FBXL7: variants seen among roughly 807,000 people sequenced by gnomAD.
The protein encoded by FBXL7 is F-box and leucine rich repeat protein 7, also known as F-box/LRR-repeat protein 7.
A neutral mutation model predicts 38.3 loss-of-function variants in FBXL7; 12 were observed. The observed-to-expected ratio is 0.31, with a 90% CI of 0.20 to 0.51. The LOEUF is 0.51. Ranked by LOEUF, FBXL7 falls within the 20% of genes least tolerant of loss-of-function variation. FBXL7 has a pLI of 0.98. For synonymous variants in FBXL7, 297 were observed against 300.9 expected, an observed-to-expected ratio of 0.99 and a Z score of 0.13; for missense variants, 567 against 676.4, an observed-to-expected ratio of 0.84 and a Z score of 1.79.
intron 2 of FBXL7, among the ~76,000 whole-genome samples, chr5:15,919,826 T>C (rs1741692628): frequency 6.6e-6 from 1 of 152,238 alleles, no homozygotes; most frequent in Non-Finnish European, 1.5e-5. Context: ...TGCTGGGTTT[T>C]GCATGATTTG....
intron 1 of FBXL7, among the ~76,000 whole-genome samples, chr5:15,605,897 C>G (rs1378755761): frequency 6.6e-6 from 1 of 152,146 alleles, no homozygotes; most frequent in Non-Finnish European, 1.5e-5. Flanking sequence ...AGTAGAATGA[C>G]AGCATCTTAG....
At chr5:15,510,099 T>A (rs1228257845) in intron 1 of FBXL7, among the ~76,000 whole-genome samples, 1 of 152,234 alleles carries the variant, frequency 6.6e-6, no homozygotes, top group East Asian at 1.9e-4. Context: ...TATCAGTTCC[T>A]CTTTAAATTC....
chr5:15,803,604 A>C (rs1440296911), intron 2 of FBXL7, among the ~76,000 whole-genome samples: 1 of 134,570 alleles, frequency 7.4e-6, no homozygotes, highest in Admixed American at 8.6e-5. Flanking sequence ...TTCTCTCTGC[A>C]TTCCTTCTAA....
chr5:15,840,751 G>T (rs1283805013), intron 2 of FBXL7, among the ~76,000 whole-genome samples: 1 of 151,302 alleles, frequency 6.6e-6, no homozygotes, highest in African/African-American at 2.4e-5. Context: ...GGAGGCTGAG[G>T]CAGGAGAATC....
At chr5:15,837,437 A>C (rs963207955) in intron 2 of FBXL7, among the ~76,000 whole-genome samples, 5 of 152,312 alleles carry the variant, frequency 3.3e-5, no homozygotes, top group African/African-American at 1.2e-4. Context: ...AAAAAAAGCA[A>C]CCATAAATAT....
intron 2 of FBXL7, among the ~76,000 whole-genome samples, chr5:15,678,615 A>G (rs867974021): frequency 1.3e-5 from 2 of 152,264 alleles, no homozygotes; most frequent in African/African-American, 4.8e-5. Context: ...TATAATTCCC[A>G]CATGTTGTAG....
intron 2 of FBXL7, among the ~76,000 whole-genome samples, chr5:15,740,943 A>G (rs1253126510): frequency 6.6e-6 from 1 of 152,198 alleles, no homozygotes; most frequent in Admixed American, 6.5e-5. Context: ...ATATGACATA[A>G]AGAATGTAGT....
At chr5:15,883,361 C>T (rs1224557235) in intron 2 of FBXL7, among the ~76,000 whole-genome samples, 1 of 151,684 alleles carries the variant, frequency 6.6e-6, no homozygotes, top group African/African-American at 2.4e-5. Flanking sequence ...CCATTTTGCC[C>T]CATTCTTATT....
chr5:15,928,607 G>A lies in FBXL7; in HGVS notation c.739+106G>A. ...GGTCCTCTTCTTGCAAGCCATCAGA[G>A]ATGGGGGCGGGTGGTAGGGAGGCTG... On this transcript the variant is annotated intron_variant, in intron 3 of 3. Coordinates refer to ENST00000504595, the MANE Select transcript of FBXL7 (RefSeq NM_012304.5). The surrounding 1 kb of genome is among the most constrained non-coding windows in gnomAD (Gnocchi z 4.0). 9 of 1,427,564 alleles carry A rather than the reference G, an allele frequency of 6.3e-6. No homozygotes were observed. The highest frequency in any genetic ancestry group is 8.5e-6 in the Non-Finnish European group (9 of 1,063,142). 88.4% of individuals were successfully genotyped at this position (1,427,564 alleles called of 1,614,324 possible). A position where few individuals can be genotyped will look rare whatever the true frequency, so the allele number is the denominator to read the frequency against.
intron 2 of FBXL7, among the ~76,000 whole-genome samples, chr5:15,904,146 G>A (rs1186305577): frequency 1.3e-5 from 2 of 152,096 alleles, no homozygotes; most frequent in Admixed American, 1.3e-4. Context: ...ACTACTGCAA[G>A]CATCATTTTT....
At chr5:15,716,302 G>A (rs564072204) in intron 2 of FBXL7, among the ~76,000 whole-genome samples, 1 of 152,230 alleles carries the variant, frequency 6.6e-6, no homozygotes, top group Admixed American at 6.5e-5. Context: ...ATTCTTCCTC[G>A]GGTCTCTATC....
At chr5:15,898,441 A>G (rs1215185606) in intron 2 of FBXL7, among the ~76,000 whole-genome samples, 1 of 152,186 alleles carries the variant, frequency 6.6e-6, no homozygotes, top group African/African-American at 2.4e-5. Flanking sequence ...CATAACATTT[A>G]TGTGTGTGAG....
At chr5:15,759,028 G>T (rs971036212) in intron 2 of FBXL7, among the ~76,000 whole-genome samples, 7 of 152,154 alleles carry the variant, frequency 4.6e-5, no homozygotes, top group Non-Finnish European at 1.0e-4. Flanking sequence ...CTGCCAAGAG[G>T]TTATTATACT....
intron 2 of FBXL7, among the ~76,000 whole-genome samples, chr5:15,646,447 A>G (rs1372625894): frequency 6.6e-6 from 1 of 152,200 alleles, no homozygotes; most frequent in East Asian, 1.9e-4. Context: ...GAATGCCAGG[A>G]AATAATTTTC....
chr5:15,715,818 C>A (rs368941072), intron 2 of FBXL7, among the ~76,000 whole-genome samples: 2 of 152,274 alleles, frequency 1.3e-5, no homozygotes, highest in South Asian at 4.1e-4. Context: ...ACTTGCCCAC[C>A]GAACTAGAAA....
chr5:15,534,114 T>C (rs1184032670), intron 1 of FBXL7, among the ~76,000 whole-genome samples: 1 of 152,208 alleles, frequency 6.6e-6, no homozygotes, highest in Admixed American at 6.5e-5. Context: ...CGTCCTGCAC[T>C]GTTGACACCC....
intron 2 of FBXL7, among the ~76,000 whole-genome samples, chr5:15,739,727 T>C (rs1405622886): frequency 6.6e-6 from 1 of 152,264 alleles, no homozygotes; most frequent in Non-Finnish European, 1.5e-5. Flanking sequence ...TTTATTGTTA[T>C]AGAATATTCC....
intron 1 of FBXL7, among the ~76,000 whole-genome samples, chr5:15,595,030 C>T (rs1739585531): frequency 6.6e-6 from 1 of 152,188 alleles, no homozygotes; most frequent in South Asian, 2.1e-4. Flanking sequence ...AGAACATTGC[C>T]ATCAGCAGCA....
intron 2 of FBXL7, among the ~76,000 whole-genome samples, chr5:15,778,640 A>T (rs1225885813): frequency 6.6e-6 from 1 of 152,030 alleles, no homozygotes; most frequent in African/African-American, 2.4e-5. Context: ...ACTTTTTCTC[A>T]TGCTACCAAG....
Sources: allele counts gnomAD v4.1 joint callset (sites outside exome capture counted in the v4.1 genomes callset), GRCh38; gene constraint gnomAD v4.1.1; non-coding constraint Gnocchi (gnomAD v3.1); transcripts MANE v1.5; gene names NCBI Gene and HGNC (gene_info 2026-07-23, HGNC 2026-07-21).